The following BCAR1 variants were observed in gnomAD, a reference collection of about 807,000 sequenced individuals.
BCAR1 encodes breast cancer anti-estrogen resistance protein 1.
Under a neutral mutation model 67.6 loss-of-function variants are expected in BCAR1, and 30 were observed. That is an observed-to-expected ratio of 0.44 (90% CI 0.33 to 0.60). The LOEUF (loss-of-function observed/expected upper bound fraction) is 0.60. Among genes scored for constraint, BCAR1 ranks in the 20% least tolerant of loss-of-function variants. The pLI is 0.02. For missense variants in BCAR1, 1,313 were observed against 1,222.3 expected, an observed-to-expected ratio of 1.07 and a Z score of -1.11; for synonymous variants, 626 against 556.7, an observed-to-expected ratio of 1.12 and a Z score of -1.75.
In BCAR1 at chr16:75,259,228, G is replaced by C. The variant is rs967367708; in HGVS notation, c.66+8687C>G. ...GCAACTTTGGTAGATCCAGGATTTG[G>C]GAGCACAGATCTCTAGGCATGCCTC... On this transcript the variant is annotated intron_variant, in intron 1 of 6. Coordinates refer to the BCAR1 transcript ENST00000393422. 2.0e-5 allele frequency among the ~76,000 whole-genome samples: 3 copies of C among 152,350 alleles called. No homozygotes were observed. In the East Asian group the frequency reaches 5.8e-4, roughly 29 times the overall value.
intron 1 of BCAR1, among the ~76,000 whole-genome samples, chr16:75,244,651 C>T (rs1221091627): frequency 6.6e-6 from 1 of 152,226 alleles, no homozygotes; most frequent in Non-Finnish European, 1.5e-5. Context: ...CAGCTAGGAG[C>T]CTCCAGTCCC....
At chr16:75,256,594 C>G (rs2077783344), upstream of BCAR1, among the ~76,000 whole-genome samples, 1 of 152,176 alleles carries the variant, frequency 6.6e-6, no homozygotes, top group African/African-American at 2.4e-5. Context: ...CACTTCAGGC[C>G]TGTCAGAAAC....
At chr16:75,250,967 G>C (rs2077662909) in intron 1 of BCAR1, 4 of 985,370 alleles carry the variant, frequency 4.1e-6, no homozygotes, top group Non-Finnish European at 3.6e-6. Flanking sequence ...CGGGTGCTCC[G>C]GCTGCGCAGC....
chr16:75,243,356 G>C (rs1567608808), intron 1 of BCAR1: 1 of 633,750 alleles, frequency 1.6e-6, no homozygotes, highest in Non-Finnish European at 2.9e-6. Flanking sequence ...CAAAACTCCA[G>C]GGATGACCCT....
At chr16:75,236,232 C>T (rs149544031) in intron 4 of BCAR1, 15,969 of 550,474 alleles carry the variant, frequency 0.029, 418 homozygotes, top group Middle Eastern at 0.095. Flanking sequence ...AGCTCTGGGA[C>T]GAGCCGGCTC....
rs2076832883 is a variant in BCAR1, at chr16:75,229,913, C to T, written c.2211G>A (p.Gly737=). The T allele has an allele frequency of 1.2e-6, 2 of 1,607,898 alleles. No individual in the cohort carries two copies. Among genetic ancestry groups the T allele is most frequent in the African/African-American group, 1.3e-5 (1 of 74,838 alleles). Residue 737 remains glycine (G), a synonymous_variant, in exon 7 of 7, where the codon GGG becomes GGA. Transcript: ENST00000162330. ...PLAPGRTGGL[G]PSDRQLLLFY... ...AGAGCAGCAGCTGCCGGTCCGAGGG[C>T]CCCAGGCCGCCTGTTCGCCCCGGGG...
chr16:75,266,925 T>A lies in BCAR1; in HGVS notation c.66+990A>T, dbSNP rs543411748. The A allele has an allele frequency of 5.3e-6, 3 of 565,646 alleles. No homozygotes were observed. In the South Asian group the frequency reaches 2.5e-4, roughly 48 times the overall value. The allele number at this position is 565,646 out of a possible 1,614,324, so 35.0% of individuals were successfully genotyped here. Reference sequence around the variant, plus strand: ...GGACCTGGGGGCAGAAAGCTCCAGCTGCCTAGGGAATCTCTGTGTGGGTGC... The same window carrying A: ...GGACCTGGGGGCAGAAAGCTCCAGCAGCCTAGGGAATCTCTGTGTGGGTGC... On this transcript the variant is annotated intron_variant, in intron 1 of 6. Transcript: ENST00000393422.
At position 75,229,698 on chromosome 16, in the gene BCAR1, C is replaced by G. The variant is rs751262673; in HGVS notation, c.2426G>C (p.Arg809Pro). 6.2e-7 allele frequency: 1 copy of G among 1,612,830 alleles called. No individual in the cohort carries two copies. The highest frequency in any genetic ancestry group is 1.1e-5 in the South Asian group (1 of 91,072). Residue 809 changes from arginine (R) to proline (P), a missense_variant, in exon 7 of 7, where the codon CGC becomes CCC. Coordinates refer to ENST00000162330, the MANE Select transcript of BCAR1 (RefSeq NM_014567.5). ...LSRQAKAADV[R>P]SQVTHYSNLL... Reference sequence around the variant, plus strand: ...GTTGCTGTAGTGGGTCACCTGGCTGCGCACGTCAGCAGCCTTGGCCTGCCG... The same window carrying G: ...GTTGCTGTAGTGGGTCACCTGGCTGGGCACGTCAGCAGCCTTGGCCTGCCG...
At chr16:75,247,892 C>A in intron 1 of BCAR1, 4 of 686,714 alleles carry the variant, frequency 5.8e-6, no homozygotes, top group Non-Finnish European at 1.1e-5. Flanking sequence ...GCCCAAGACC[C>A]CAGGGTTGGG....
At chr16:75,264,033 T>A in intron 1 of BCAR1, 1 of 1,223,198 alleles carries the variant, frequency 8.2e-7, no homozygotes. Flanking sequence ...GGGCTGTGAC[T>A]ACAAGGGAGA....
chr16:75,241,040 G>C (rs1453155370), intron 2 of BCAR1, among the ~76,000 whole-genome samples: 2 of 152,242 alleles, frequency 1.3e-5, no homozygotes, highest in African/African-American at 2.4e-5. Context: ...CCTGACCTTG[G>C]GGCATGTGCA....
At position 75,266,014 on chromosome 16, in the gene BCAR1, C is replaced by T. The variant is rs543774070; in HGVS notation, c.66+1901G>A. The T allele has an allele frequency of 6.1e-5, 63 of 1,027,246 alleles. No individual in the cohort carries two copies. In the South Asian group the frequency reaches 1.9e-3, roughly 31 times the overall value. The allele number at this position is 1,027,246 out of a possible 1,614,324, so 63.6% of individuals were successfully genotyped here. ...CTCCAGCCGCGCCGCGCATGCGCCG[C>T]CCGCGCCGCCCCCCCCACCGTCTCC... is the stretch of plus-strand genomic sequence containing the variant. On this transcript the variant is annotated intron_variant, in intron 1 of 6. Transcript: ENST00000393422.
At position 75,235,150 on chromosome 16, in the gene BCAR1, C is replaced by G; in HGVS notation, c.1749G>C (p.Ser583=). ...LEDLDRLVAC[S]RAVPEDAKQL... ...GCTTGGCGTCCTCGGGCACAGCCCG[C>G]GAGCAGGCCACCAGCCGGTCCAGGT... is the stretch of plus-strand genomic sequence containing the variant. Residue 583 remains serine (S), a synonymous_variant, in exon 5 of 7, where the codon TCG becomes TCC. Coordinates refer to ENST00000162330, the MANE Select transcript of BCAR1 (RefSeq NM_014567.5). The G allele has an allele frequency of 1.9e-6, 3 of 1,608,782 alleles. No individual in the cohort carries two copies. Among genetic ancestry groups the G allele is most frequent in the Non-Finnish European group, 2.5e-6 (3 of 1,179,900 alleles).
chr16:75,235,730 G>C lies in BCAR1; in HGVS notation c.1169C>G (p.Pro390Arg), dbSNP rs755386874. ...CTCAGGAGGAAGCACCCGTTCACGG[G>C]GCACATCGTACAGGGTGCCCGGGCC... ...RPGPGTLYDV[P>R]RERVLPPEVA... Residue 390 changes from proline (P) to arginine (R), a missense_variant, in exon 5 of 7, where the codon CCC becomes CGC. Pro to Arg is a moderately radical substitution (Grantham distance 103). This residue lies in a region of BCAR1 where 1,272 missense variants were observed against 1,137.5 expected (regional missense o/e 1.12). Coordinates refer to ENST00000162330, the MANE Select transcript of BCAR1 (RefSeq NM_014567.5). 4.4e-6 allele frequency: 7 copies of C among 1,605,348 alleles called. No individual in the cohort carries two copies. In the Admixed American group the frequency reaches 1.2e-4, roughly 27 times the overall value.
In BCAR1 at chr16:75,242,720, T is replaced by G; in HGVS notation, c.383A>C (p.Tyr128Ser). 2 of 1,571,034 alleles carry G rather than the reference T, an allele frequency of 1.3e-6. No homozygotes were observed. Among genetic ancestry groups the G allele is most frequent in the African/African-American group, 2.7e-5 (2 of 73,836 alleles). ...PTPSKAQQGL[Y>S]QVPGPSPQFQ... ...CTGAGGGCTGGGACCCGGGACTTGG[T>G]AGAGGCCTTGCTGAGCCTTGCTGGG... Residue 128 changes from tyrosine to serine, a missense_variant, in exon 2 of 7, where the codon TAC becomes TCC. Physicochemically the swap from Tyr to Ser is moderately radical, Grantham distance 144. Coordinates refer to ENST00000162330, the MANE Select transcript of BCAR1 (RefSeq NM_014567.5).
chr16:75,249,781 C>T (rs1007502161), intron 1 of BCAR1: 1 of 152,206 alleles, frequency 6.6e-6, no homozygotes, highest in African/African-American at 2.4e-5. Flanking sequence ...CCAGAGGGTT[C>T]CTACCAAGTT....
chr16:75,234,659 C>G lies in BCAR1; in HGVS notation c.2010+230G>C, dbSNP rs943680426. Among the ~76,000 whole-genome samples, 5 of 152,256 alleles carry G rather than the reference C, an allele frequency of 3.3e-5. No individual in the cohort carries two copies. The South Asian group carries it at 1.0e-3, about 31-fold the overall frequency. The stretch of plus-strand genomic sequence containing the variant: ...AGATCTGTCTCCCCACACAGAACAG[C>G]AGAGTCACCGCTGCTGGTCACCAGA... On this transcript the variant is annotated intron_variant, in intron 5 of 6. Transcript: ENST00000162330.
At chr16:75,260,719 C>G (rs2077889490) in intron 1 of BCAR1, among the ~76,000 whole-genome samples, 1 of 149,050 alleles carries the variant, frequency 6.7e-6, no homozygotes, top group South Asian at 2.2e-4. Context: ...ATAAGAGTTT[C>G]GACTGGTAAA....
At chr16:75,267,045 C>A (rs995474117) in intron 1 of BCAR1, among the ~76,000 whole-genome samples, 4 of 152,222 alleles carry the variant, frequency 2.6e-5, no homozygotes, top group African/African-American at 9.6e-5. Context: ...AGCAGGCTGA[C>A]TTCCCCCAGC....
Sources: allele counts gnomAD v4.1 joint callset (sites outside exome capture counted in the v4.1 genomes callset), GRCh38; gene constraint gnomAD v4.1.1; regional missense constraint gnomAD v4.1.1; transcripts MANE v1.5; gene names NCBI Gene and HGNC (gene_info 2026-07-23, HGNC 2026-07-21).